Variants in GNG5 observed in about 807,000 individuals in gnomAD.
GNG5 encodes G protein subunit gamma 5, also known as guanine nucleotide-binding protein G(I)/G(S)/G(O) subunit gamma-5.
Under a neutral mutation model 6.2 loss-of-function variants are expected in GNG5, and 2 were observed. The ratio of observed to expected loss-of-function variants is 0.32; its 90% CI spans 0.13 to 1.01. The LOEUF (loss-of-function observed/expected upper bound fraction) is 1.01. Among genes scored for constraint, GNG5 ranks in the 50% least tolerant of loss-of-function variants. GNG5 has a pLI of 0.48. For missense variants in GNG5, 57 were observed against 80.2 expected (o/e 0.71, Z 1.10); for synonymous variants, 24 against 33.0 (o/e 0.73, Z 0.93).
At chr1:84,505,935 C>G in intron 2 of GNG5, 76 bp downstream of exon 2, 1 of 1,054,054 alleles carries the variant, frequency 9.5e-7, no homozygotes, top group Admixed American at 4.2e-5. Context: ...GTCCCGCCCG[C>G]CCCCGCCAGC....
At position 84,506,180 on chromosome 1, in the gene GNG5, G is replaced by A. The variant is rs1682219037; in HGVS notation, c.-89C>T. ...CAGACAACTCAGCGGCGCGCGGCGG[G>A]GGCGGGGCTCCGAACTTTGTCTCTA... On this transcript the variant is annotated 5_prime_UTR_variant, in exon 2 of 4. Transcript: ENST00000370645. 2.8e-6 allele frequency: 3 copies of A among 1,062,670 alleles called. No individual in the cohort carries two copies. The highest frequency in any genetic ancestry group is 4.0e-6 in the Non-Finnish European group (3 of 756,858). The allele number at this position is 1,062,670 out of a possible 1,614,324, so 65.8% of individuals were successfully genotyped here.
intron 3 of GNG5, among the ~76,000 whole-genome samples, chr1:84,499,050 A>G (rs1316348118): frequency 6.6e-6 from 1 of 152,252 alleles, no homozygotes; most frequent in African/African-American, 2.4e-5. Context: ...ATATGATGGA[A>G]TACAAAGCTA....
chr1:84,504,099 C>T (rs554038798), intron 2 of GNG5, among the ~76,000 whole-genome samples: 23 of 152,304 alleles, frequency 1.5e-4, no homozygotes, highest in African/African-American at 5.5e-4. Flanking sequence ...TCCTGACCTA[C>T]CTATGACAGT....
At chr1:84,498,939 A>C (rs1416491856) in intron 3 of GNG5, among the ~76,000 whole-genome samples, 21 of 152,222 alleles carry the variant, frequency 1.4e-4, no homozygotes, top group Admixed American at 1.4e-3. Context: ...GACATAGAGA[A>C]ACATGTACAA....
Position 84,505,877 on chromosome 1 carries a change from C to A in GNG5, c.81+134G>T. 3 of 564,572 alleles carry A rather than the reference C, an allele frequency of 5.3e-6. No homozygotes were observed. The Admixed American group carries it at 1.4e-4, about 26-fold the overall frequency. The allele number at this position is 564,572 out of a possible 1,614,324, so 35.0% of individuals were successfully genotyped here. A position where few individuals can be genotyped will look rare whatever the true frequency, so the allele number is the denominator to read the frequency against. On this transcript the variant is annotated intron_variant, in intron 2 of 3. Transcript: ENST00000370645. ...TCTAAAGCTGGCCGCTCCCCGATCG[C>A]CGCCGCTGAGCGCGCGTCCTCTCCA...
chr1:84,504,655 C>T (rs1193685962), intron 2 of GNG5, among the ~76,000 whole-genome samples: 1 of 152,136 alleles, frequency 6.6e-6, no homozygotes, highest in African/African-American at 2.4e-5. Flanking sequence ...CCAGCCAAGA[C>T]TGACTAGAAA....
Position 84,501,985 on chromosome 1 carries a change from GA to G in GNG5, c.82-16del, listed in dbSNP as rs1210803572. 3.1e-6 allele frequency: 5 copies of G among 1,605,036 alleles called. No homozygotes were observed. Among genetic ancestry groups the G allele is most frequent in the Admixed American group, 3.4e-5 (2 of 59,690 alleles). On this transcript the variant is annotated splice_polypyrimidine_tract_variant and intron_variant, in intron 2 of 3. Coordinates refer to ENST00000370645, the MANE Select transcript of GNG5 (RefSeq NM_005274.3). The stretch of plus-strand genomic sequence containing the variant: ...GCCTGGGAAACCTATACATAACAAA[GA>G]GGGGGGGAAGTGCCAGATGGTGAGA...
intron 2 of GNG5, among the ~76,000 whole-genome samples, chr1:84,505,469 AG>A (rs529498464): frequency 2.0e-4 from 30 of 152,220 alleles, no homozygotes; most frequent in Admixed American, 8.5e-4. Context: ...TTCAATCCAC[AG>A]TTTAAGTTAT....
At chr1:84,506,415 A>G (rs578070659) in intron 1 of GNG5, 21 bp downstream of exon 1, 56 of 204,970 alleles carry the variant, frequency 2.7e-4, no homozygotes, top group Non-Finnish European at 4.3e-4. Context: ...CCGATTAGGG[A>G]GAGGTAAGGA....
At chr1:84,503,347 C>T (rs1402584215) in intron 2 of GNG5, among the ~76,000 whole-genome samples, 3 of 152,190 alleles carry the variant, frequency 2.0e-5, no homozygotes, top group Non-Finnish European at 4.4e-5. Context: ...ATACCAAGAA[C>T]CCCTGCAGAT....
At chr1:84,502,239 T>A (rs187720041) in intron 2 of GNG5, among the ~76,000 whole-genome samples, 167 of 150,924 alleles carry the variant, frequency 1.1e-3, no homozygotes, top group African/African-American at 3.0e-3. Flanking sequence ...GTTCAAGCGA[T>A]TCTCCTGCCT....
At chr1:84,503,050 A>T (rs1215465357) in intron 2 of GNG5, among the ~76,000 whole-genome samples, 1 of 152,210 alleles carries the variant, frequency 6.6e-6, no homozygotes, top group Non-Finnish European at 1.5e-5. Flanking sequence ...AAAAACTGTT[A>T]AATTGAAGTT....
At position 84,506,164 on chromosome 1, in the gene GNG5, C is replaced by T. The variant is rs949882691; in HGVS notation, c.-73G>A. 19 of 1,260,806 alleles carry T rather than the reference C, an allele frequency of 1.5e-5. No homozygotes were observed. Among genetic ancestry groups the T allele is most frequent in the Non-Finnish European group, 2.0e-5 (18 of 919,514 alleles). 78.1% of individuals were successfully genotyped at this position (1,260,806 alleles called of 1,614,324 possible). On this transcript the variant is annotated 5_prime_UTR_variant, in exon 2 of 4. Transcript: ENST00000370645. The stretch of plus-strand genomic sequence containing the variant: ...CGTGGGTCGGCGGGGCCAGACAACT[C>T]AGCGGCGCGCGGCGGGGGCGGGGCT...
At position 84,500,009 on chromosome 1, in the gene GNG5, T is replaced by C. The variant is rs111718385; in HGVS notation, c.*20-1461A>G. Among the ~76,000 whole-genome samples the C allele has an allele frequency of 1.8e-4, 27 of 152,288 alleles. 1 individual carries two copies. Among genetic ancestry groups the C allele is most frequent in the African/African-American group, 6.0e-4 (25 of 41,560 alleles). ...ACTCAGGAAGCTGAGGCAGGAGCAC[T>C]TGAACCTTGGAGGCAGAGGTTGCAG... On this transcript the variant is annotated intron_variant, in intron 3 of 3. Transcript: ENST00000370645.
intron 2 of GNG5, among the ~76,000 whole-genome samples, chr1:84,505,323 G>A (rs1682156334): frequency 6.6e-6 from 1 of 152,112 alleles, no homozygotes; most frequent in South Asian, 2.1e-4. Context: ...ATTTTCTCCG[G>A]CATGCGGACC....
chr1:84,498,391 T>C lies in GNG5; in HGVS notation c.*177A>G, dbSNP rs533147940. 2.4e-4 allele frequency: 37 copies of C among 152,700 alleles called. No homozygotes were observed. The highest frequency in any genetic ancestry group is 7.2e-4 in the African/African-American group (30 of 41,532). 9.5% of individuals were successfully genotyped at this position (152,700 alleles called of 1,614,324 possible). ...ATATAAAACAATTACCCTTGTGAAA[T>C]AGAAATTCATGAAAATTCAGAGAGG... is the stretch of plus-strand genomic sequence containing the variant. On this transcript the variant is annotated 3_prime_UTR_variant, in exon 4 of 4. Transcript: ENST00000370645.
At chr1:84,505,906 G>T (rs1160144366) in intron 2 of GNG5, 105 bp downstream of exon 2, 3 of 789,678 alleles carry the variant, frequency 3.8e-6, no homozygotes, top group Admixed American at 4.5e-5. Context: ...CTCTCCAGGG[G>T]AAGCGAGGGC....
At position 84,506,321 on chromosome 1, in the gene GNG5, A is replaced by T; in HGVS notation, c.-210-20T>A. 2.5e-6 allele frequency: 1 copy of T among 399,048 alleles called. No individual in the cohort carries two copies. The highest frequency in any genetic ancestry group is 4.2e-5 in the East Asian group (1 of 23,638). The allele number at this position is 399,048 out of a possible 1,614,324, so 24.7% of individuals were successfully genotyped here. On this transcript the variant is annotated intron_variant, in intron 1 of 3. Coordinates refer to ENST00000370645, the MANE Select transcript of GNG5 (RefSeq NM_005274.3). ...GCGAGCCTGGAGGAGGGGGAGGAGA[A>T]GGGGCGGAGCAGTCGGTGGGCGCGG... is the stretch of plus-strand genomic sequence containing the variant.
At chr1:84,506,354 T>C (rs1352344291) in intron 1 of GNG5, 53 bp from the exon 2 acceptor site, 2 of 357,108 alleles carry the variant, frequency 5.6e-6, no homozygotes, top group Admixed American at 1.0e-4. Context: ...CGGCGGCTGC[T>C]GGAGGCTAGC....
Sources: gnomAD v4.1 joint callset for allele counts (sites outside exome capture counted in the v4.1 genomes callset) on GRCh38, gnomAD v4.1.1 for gene constraint, MANE v1.5 for transcripts, NCBI Gene and HGNC (gene_info 2026-07-23, HGNC 2026-07-21) for gene names.